The following FCHSD2 variants were observed in gnomAD, a reference collection of about 807,000 sequenced individuals.
The protein encoded by FCHSD2 is F-BAR and double SH3 domains protein 2.
FCHSD2 carries 38 observed loss-of-function variants against 108.1 expected under a neutral mutation model. The observed-to-expected ratio is 0.35, with a 90% CI of 0.27 to 0.46. The LOEUF (loss-of-function observed/expected upper bound fraction) is 0.46. Among genes scored for constraint, FCHSD2 ranks in the 20% least tolerant of loss-of-function variants. The pLI, the probability that FCHSD2 is intolerant of heterozygous loss-of-function variation, is 1.00. For missense variants in FCHSD2, 751 were observed against 897.8 expected, an observed-to-expected ratio of 0.84 and a Z score of 2.09; for synonymous variants, 279 against 314.7, an observed-to-expected ratio of 0.89 and a Z score of 1.20.
intron 12 of FCHSD2, among the ~76,000 whole-genome samples, chr11:72,883,204 A>G (rs1855125680): frequency 6.6e-6 from 1 of 152,232 alleles, no homozygotes; most frequent in African/African-American, 2.4e-5. Context: ...ACAGTCCACA[A>G]AGAAAAGCTT....
chr11:72,964,116 G>C (rs936432278), intron 8 of FCHSD2, among the ~76,000 whole-genome samples: 1 of 152,162 alleles, frequency 6.6e-6, no homozygotes, highest in African/African-American at 2.4e-5. Context: ...TATTATGGAT[G>C]ACACAATCAG....
intron 3 of FCHSD2, among the ~76,000 whole-genome samples, chr11:73,075,230 G>C (rs1347463132): frequency 2.6e-5 from 4 of 152,142 alleles, no homozygotes; most frequent in Admixed American, 2.0e-4. Context: ...ATAATCACCT[G>C]AGAAAACCAT....
intron 2 of FCHSD2, among the ~76,000 whole-genome samples, chr11:73,131,374 A>T (rs1237238243): frequency 2.0e-5 from 3 of 151,586 alleles, no homozygotes; most frequent in Non-Finnish European, 4.4e-5. Context: ...AAAAAAAAAA[A>T]AAAAATTAGC....
At chr11:73,041,268 C>T (rs1483814212) in intron 3 of FCHSD2, among the ~76,000 whole-genome samples, 7 of 152,076 alleles carry the variant, frequency 4.6e-5, no homozygotes, top group Non-Finnish European at 7.4e-5. Context: ...CTGGATCATA[C>T]GGTAGTTCTA....
chr11:72,999,896 C>T (rs931739195), intron 5 of FCHSD2, among the ~76,000 whole-genome samples: 2 of 151,856 alleles, frequency 1.3e-5, no homozygotes, highest in Non-Finnish European at 2.9e-5. Context: ...CAAACACACA[C>T]ACACACACAC....
chr11:72,872,295 T>C (rs1217891952), intron 12 of FCHSD2, among the ~76,000 whole-genome samples: 2 of 150,656 alleles, frequency 1.3e-5, no homozygotes, highest in African/African-American at 4.9e-5. Flanking sequence ...TCTTTTTTTT[T>C]TTTTTTTTTA....
intron 10 of FCHSD2, among the ~76,000 whole-genome samples, chr11:72,897,413 T>A (rs1445701946): frequency 6.6e-6 from 1 of 152,054 alleles, no homozygotes; most frequent in Non-Finnish European, 1.5e-5. Flanking sequence ...AATAGGACCA[T>A]TATTAGCATA....
In FCHSD2 at chr11:72,921,808, T is replaced by G. The variant is rs751205781; in HGVS notation, c.828+20A>C. The G allele has an allele frequency of 1.2e-6, 2 of 1,601,902 alleles. No individual in the cohort carries two copies. Among genetic ancestry groups the G allele is most frequent in the Non-Finnish European group, 8.5e-7 (1 of 1,170,606 alleles). ...CTTCTAAGTTGGATAACACTACACG[T>G]TGCACTAAAGGTAACTTACCTTGCT... On this transcript the variant is annotated intron_variant, in intron 9 of 19. Transcript: ENST00000409418.
intron 8 of FCHSD2, among the ~76,000 whole-genome samples, chr11:72,923,373 C>A (rs1432705515): frequency 6.6e-6 from 1 of 152,160 alleles, no homozygotes; most frequent in African/African-American, 2.4e-5. Context: ...GAGGAACTGT[C>A]AAACTGTTTT....
At chr11:73,004,182 G>GT (rs1565363983) in intron 4 of FCHSD2, among the ~76,000 whole-genome samples, 2 of 148,328 alleles carry the variant, frequency 1.3e-5, no homozygotes, top group Non-Finnish European at 3.0e-5. Flanking sequence ...ATATCACATG[G>GT]TAAGTACTAC....
rs546513744 is a variant in FCHSD2, at chr11:73,091,673, T to C, written c.120-7933A>G. ...AAGGACCAGTAGGCTCATGCTTTCA[T>C]GTTCTAGCAAATGTGGTCTTTTCCA... On this transcript the variant is annotated intron_variant, in intron 2 of 19. Transcript: ENST00000409418. Among the ~76,000 whole-genome samples, 6 of 152,356 alleles carry C rather than the reference T, an allele frequency of 3.9e-5. No individual in the cohort carries two copies. In the South Asian group the frequency reaches 6.2e-4, roughly 16 times the overall value.
At chr11:73,014,850 CT>C (rs1197018023) in intron 4 of FCHSD2, among the ~76,000 whole-genome samples, 29 of 146,336 alleles carry the variant, frequency 2.0e-4, no homozygotes, top group East Asian at 2.0e-4. Context: ...AAATCAAATT[CT>C]TTTTTTTTTT....
intron 8 of FCHSD2, among the ~76,000 whole-genome samples, chr11:72,980,675 GTA>G (rs35298009): frequency 0.29 from 42,072 of 143,834 alleles, 6,312 homozygotes; most frequent in East Asian, 0.55. Context: ...GTGTGTGTGT[GTA>G]TATATATATA....
chr11:72,919,628 T>C (rs749606299), intron 9 of FCHSD2, among the ~76,000 whole-genome samples: 2 of 152,126 alleles, frequency 1.3e-5, no homozygotes, highest in Non-Finnish European at 2.9e-5. Context: ...TTGTTAAGTG[T>C]GTGTAAAATA....
intron 8 of FCHSD2, among the ~76,000 whole-genome samples, chr11:72,955,421 G>A (rs1455932846): frequency 1.3e-5 from 2 of 152,114 alleles, no homozygotes; most frequent in African/African-American, 2.4e-5. Flanking sequence ...GAGGCTCCCC[G>A]AACCCTGTCC....
chr11:72,981,749 G>A (rs997787730), intron 8 of FCHSD2, among the ~76,000 whole-genome samples: 2 of 152,212 alleles, frequency 1.3e-5, no homozygotes, highest in Non-Finnish European at 2.9e-5. Context: ...GCTGAGGTGG[G>A]AGGATCTCTT....
chr11:73,141,547 C>G (rs1254500576), intron 1 of FCHSD2, among the ~76,000 whole-genome samples: 2 of 152,248 alleles, frequency 1.3e-5, no homozygotes, highest in Non-Finnish European at 2.9e-5. Flanking sequence ...CTCGGTGCAG[C>G]CCCGAGAATG....
chr11:73,142,031 C>A lies in FCHSD2; in HGVS notation c.-154G>T. ...ACTTGCCCCGGAGGGAGCAGGCCAG[C>A]GGGCGGCAGGCGGACCCCAGCCAGA... On this transcript the variant is annotated 5_prime_UTR_variant, in exon 1 of 20. Transcript: ENST00000409418. 1.5e-6 allele frequency: 1 copy of A among 678,524 alleles called. No individual in the cohort carries two copies. Among genetic ancestry groups the A allele is most frequent in the Non-Finnish European group, 2.4e-6 (1 of 416,894 alleles). 42.0% of individuals were successfully genotyped at this position (678,524 alleles called of 1,614,324 possible).
In FCHSD2 at chr11:73,085,614, C is replaced by T. The variant is rs1224013477; in HGVS notation, c.120-1874G>A. Among the ~76,000 whole-genome samples, 4 of 151,980 alleles carry T rather than the reference C, an allele frequency of 2.6e-5. No homozygotes were observed. The South Asian group carries it at 6.2e-4, about 24-fold the overall frequency. On this transcript the variant is annotated intron_variant, in intron 2 of 19. Coordinates refer to ENST00000409418, the MANE Select transcript of FCHSD2 (RefSeq NM_014824.3). ...ATTGAAAAGTCACCACACAAACCCA[C>T]GGGAAGGTGCAGGTTCACAAAAGAC...
Sources: gnomAD v4.1 joint callset for allele counts (sites outside exome capture counted in the v4.1 genomes callset) on GRCh38, gnomAD v4.1.1 for gene constraint, MANE v1.5 for transcripts, NCBI Gene and HGNC (gene_info 2026-07-23, HGNC 2026-07-21) for gene names.